Variants in EEA1 observed in about 807,000 individuals in gnomAD.
EEA1 encodes early endosome antigen 1, 162kD.
Under a neutral mutation model 209.2 loss-of-function variants are expected in EEA1, and 111 were observed. The observed-to-expected ratio is 0.53, with a 90% CI of 0.45 to 0.62. EEA1 has a LOEUF of 0.62. Ranked by LOEUF, EEA1 falls within the 20% of genes least tolerant of loss-of-function variation. The probability of loss-of-function intolerance (pLI) is 0.00; values close to 1 mark genes in which losing one functional copy is unlikely to be tolerated. For synonymous variants in EEA1, 536 were observed against 540.6 expected, an observed-to-expected ratio of 0.99 and a Z score of 0.12; for missense variants, 1,343 against 1,530.8, an observed-to-expected ratio of 0.88 and a Z score of 2.05.
intron 1 of EEA1, among the ~76,000 whole-genome samples, chr12:92,915,483 A>T (rs2136781790): frequency 6.7e-6 from 1 of 150,146 alleles, no homozygotes; most frequent in East Asian, 1.9e-4. Context: ...AACAAAACAA[A>T]ACAAAACAAA....
intron 18 of EEA1, among the ~76,000 whole-genome samples, chr12:92,806,445 C>G (rs577501190): frequency 1.3e-5 from 2 of 152,158 alleles, no homozygotes; most frequent in African/African-American, 4.8e-5. Flanking sequence ...AAAAAAAAAT[C>G]AGGAAATTAG....
intron 2 of EEA1, among the ~76,000 whole-genome samples, chr12:92,890,622 A>T (rs1404623214): frequency 2.0e-5 from 3 of 152,206 alleles, no homozygotes; most frequent in Non-Finnish European, 2.9e-5. Flanking sequence ...ATTGAGGTCA[A>T]CTAAATTATT....
intron 2 of EEA1, among the ~76,000 whole-genome samples, chr12:92,885,163 T>G (rs1051654472): frequency 6.6e-6 from 1 of 152,120 alleles, no homozygotes; most frequent in African/African-American, 2.4e-5. Flanking sequence ...GTTAAATTTT[T>G]GGGGAGTCAA....
At chr12:92,879,551 G>A (rs1301146656) in intron 2 of EEA1, among the ~76,000 whole-genome samples, 1 of 146,216 alleles carries the variant, frequency 6.8e-6, no homozygotes, top group Non-Finnish European at 1.5e-5. Context: ...AGGGGGAGGG[G>A]AAAAGAAGGG....
chr12:92,896,781 GA>G (rs200708762), intron 1 of EEA1, among the ~76,000 whole-genome samples: 3 of 150,458 alleles, frequency 2.0e-5, no homozygotes, highest in African/African-American at 7.3e-5. Context: ...AAGAAAAAAA[GA>G]AAAAAAAAGA....
chr12:92,802,444 T>C lies in EEA1; in HGVS notation c.2630A>G (p.Glu877Gly). ...GGCTTTTCCTTTCTGATTCTCCTTT[T>C]CAAATTCACTTTTAGAGTTTTTCAA... ...DSLKNSKSEF[E>G]KENQKGKAAI... Residue 877 changes from glutamate (E) to glycine (G), a missense_variant, in exon 19 of 29, where the codon GAA becomes GGA. Physicochemically the swap from Glu to Gly is moderately conservative, Grantham distance 98 (BLOSUM62 -2). Transcript: ENST00000322349. The C allele has an allele frequency of 6.3e-7, 1 of 1,580,034 alleles. No individual in the cohort carries two copies. The highest frequency in any genetic ancestry group is 8.5e-7 in the Non-Finnish European group (1 of 1,171,756).
Position 92,798,982 on chromosome 12 carries a change from C to A in EEA1, c.2877G>T (p.Gly959=), listed in dbSNP as rs1565812662. The A allele has an allele frequency of 6.2e-7, 1 of 1,612,996 alleles. No individual in the cohort carries two copies. Among genetic ancestry groups the A allele is most frequent in the Admixed American group, 1.7e-5 (1 of 59,968 alleles). The change falls in exon 21 of 29, where the codon GGG becomes GGT. Residue 959 remains glycine (G), a synonymous_variant. Coordinates refer to ENST00000322349, the MANE Select transcript of EEA1 (RefSeq NM_003566.4). The part of the protein sequence containing the change: ...QNEKEEQQLQ[G]NINELKQSSE... ...TTGATTGCTTTAGCTCATTTATGTT[C>A]CCCTGAAGTTGTTGCTCTTCTTTTT...
chr12:92,926,305 A>G (rs1034495235), intron 1 of EEA1, among the ~76,000 whole-genome samples: 1 of 152,200 alleles, frequency 6.6e-6, no homozygotes, highest in Non-Finnish European at 1.5e-5. Context: ...GGAATGCCAC[A>G]TAATTTCAAA....
intron 9 of EEA1, among the ~76,000 whole-genome samples, chr12:92,844,616 C>T (rs1367750355): frequency 1.3e-5 from 2 of 151,974 alleles, no homozygotes; most frequent in African/African-American, 2.4e-5. Flanking sequence ...TTTCAAATTA[C>T]TATTTCTAAT....
At chr12:92,795,660 A>G (rs1031485640) in intron 21 of EEA1, among the ~76,000 whole-genome samples, 1 of 152,208 alleles carries the variant, frequency 6.6e-6, no homozygotes, top group African/African-American at 2.4e-5. Context: ...AATTGGTGCT[A>G]ACTGCCTATC....
intron 2 of EEA1, among the ~76,000 whole-genome samples, chr12:92,866,857 A>C (rs560028182): frequency 1.3e-5 from 2 of 152,204 alleles, no homozygotes; most frequent in East Asian, 3.9e-4. Flanking sequence ...AAATTTGGCT[A>C]AACTACTCAC....
chr12:92,810,601 T>A (rs1194404721), intron 17 of EEA1, among the ~76,000 whole-genome samples: 1 of 152,052 alleles, frequency 6.6e-6, no homozygotes, highest in Non-Finnish European at 1.5e-5. Flanking sequence ...ATAAGTTACA[T>A]ATATAGTAAC....
chr12:92,862,335 C>T (rs1486417857), intron 3 of EEA1, among the ~76,000 whole-genome samples: 1 of 152,152 alleles, frequency 6.6e-6, no homozygotes. Context: ...GTGACTCAGG[C>T]CTGCAATCCT....
At chr12:92,912,488 G>T (rs924301733) in intron 1 of EEA1, among the ~76,000 whole-genome samples, 2 of 152,190 alleles carry the variant, frequency 1.3e-5, no homozygotes, top group Non-Finnish European at 2.9e-5. Context: ...ACTAGCCTTA[G>T]ACACATGTGG....
At chr12:92,906,909 T>C (rs998874711) in intron 1 of EEA1, among the ~76,000 whole-genome samples, 2 of 152,142 alleles carry the variant, frequency 1.3e-5, no homozygotes, top group Non-Finnish European at 2.9e-5. Flanking sequence ...TTAGAAAGAT[T>C]TTCACAAAAA....
chr12:92,796,909 G>T (rs1487041189), intron 21 of EEA1, among the ~76,000 whole-genome samples: 1 of 152,144 alleles, frequency 6.6e-6, no homozygotes, highest in Non-Finnish European at 1.5e-5. Context: ...TCAGAAAGAT[G>T]AATCATTTCT....
chr12:92,877,069 G>A (rs1592751843), intron 2 of EEA1, among the ~76,000 whole-genome samples: 4 of 149,986 alleles, frequency 2.7e-5, no homozygotes, highest in Admixed American at 6.6e-5. Flanking sequence ...TCAGCCTCCC[G>A]AGTAGCTGGG....
chr12:92,792,028 G>A (rs1874425196), intron 21 of EEA1, among the ~76,000 whole-genome samples: 1 of 152,104 alleles, frequency 6.6e-6, no homozygotes. Context: ...TGACTACTGG[G>A]TAAATAACAA....
chr12:92,902,758 A>G (rs112161662), intron 1 of EEA1, among the ~76,000 whole-genome samples: 3,415 of 148,222 alleles, frequency 0.023, 68 homozygotes, highest in African/African-American at 0.062. Context: ...AAAAAAAAAA[A>G]GGCTGTAAAT....
Sources: gnomAD v4.1 joint callset for allele counts (sites outside exome capture counted in the v4.1 genomes callset) on GRCh38, gnomAD v4.1.1 for gene constraint, MANE v1.5 for transcripts, NCBI Gene and HGNC (gene_info 2026-07-23, HGNC 2026-07-21) for gene names.